The following HS3ST4 variants were observed in gnomAD, a reference collection of about 807,000 sequenced individuals.
HS3ST4 encodes the protein heparan sulfate glucosamine 3-O-sulfotransferase 4.
A neutral mutation model predicts 29.2 loss-of-function variants in HS3ST4; 17 were observed. The observed-to-expected ratio is 0.58, with a 90% CI of 0.40 to 0.87. The LOEUF (loss-of-function observed/expected upper bound fraction) is 0.87, where lower values mean the gene tolerates loss of function less well. Among genes scored for constraint, HS3ST4 ranks in the 40% least tolerant of loss-of-function variants. HS3ST4 has a pLI of 0.00. For synonymous variants in HS3ST4, 314 were observed against 285.7 expected, an observed-to-expected ratio of 1.10 and a Z score of -1.00; for missense variants, 627 against 634.5, an observed-to-expected ratio of 0.99 and a Z score of 0.13.
At chr16:26,016,431 T>C (rs868584982) in intron 1 of HS3ST4, among the ~76,000 whole-genome samples, 45 of 152,354 alleles carry the variant, frequency 3.0e-4, no homozygotes, top group African/African-American at 1.1e-3. Context: ...GTTACTTCTC[T>C]TTCTGTCTGA....
At chr16:25,870,136 T>C (rs66912262) in intron 1 of HS3ST4, among the ~76,000 whole-genome samples, 36,307 of 152,002 alleles carry the variant, frequency 0.24, 5,142 homozygotes, top group Non-Finnish European at 0.33. Context: ...CACCCATTCA[T>C]CTACTCATCC....
intron 1 of HS3ST4, among the ~76,000 whole-genome samples, chr16:25,929,618 G>T (rs539703625): frequency 6.6e-6 from 1 of 152,140 alleles, no homozygotes; most frequent in African/African-American, 2.4e-5. Flanking sequence ...AGGTGATTTG[G>T]GCTCTACTCT....
intron 1 of HS3ST4, among the ~76,000 whole-genome samples, chr16:26,129,270 G>A (rs896186257): frequency 6.6e-6 from 1 of 152,204 alleles, no homozygotes; most frequent in Admixed American, 6.5e-5. Flanking sequence ...CACATAATGT[G>A]TCTCCTTTTA....
At chr16:26,074,392 G>A (rs546082778) in intron 1 of HS3ST4, among the ~76,000 whole-genome samples, 2 of 152,292 alleles carry the variant, frequency 1.3e-5, no homozygotes, top group Admixed American at 1.3e-4. Flanking sequence ...GATGTTGAGA[G>A]GTAAGCATAC....
chr16:25,942,187 G>T (rs1968578605), intron 1 of HS3ST4, among the ~76,000 whole-genome samples: 1 of 152,162 alleles, frequency 6.6e-6, no homozygotes, highest in South Asian at 2.1e-4. Flanking sequence ...GCATGTTGTA[G>T]GTCCTGGTGC....
intron 1 of HS3ST4, among the ~76,000 whole-genome samples, chr16:25,999,495 T>C (rs1436275093): frequency 4.0e-5 from 6 of 148,634 alleles, no homozygotes; most frequent in Non-Finnish European, 9.0e-5. Flanking sequence ...GGGATTGTAC[T>C]GATCACTTCA....
intron 1 of HS3ST4, among the ~76,000 whole-genome samples, chr16:25,776,676 A>T (rs1007814636): frequency 2.0e-5 from 3 of 152,194 alleles, no homozygotes; most frequent in African/African-American, 2.4e-5. Context: ...AGAAAAAATG[A>T]TCAGATACCG....
chr16:25,758,655 G>A (rs1041451087), intron 1 of HS3ST4, among the ~76,000 whole-genome samples: 2 of 152,134 alleles, frequency 1.3e-5, no homozygotes, highest in Non-Finnish European at 2.9e-5. Context: ...CCATATGAAG[G>A]GAGATAGAAA....
At chr16:25,821,452 A>G (rs1967155307) in intron 1 of HS3ST4, among the ~76,000 whole-genome samples, 1 of 152,130 alleles carries the variant, frequency 6.6e-6, no homozygotes, top group South Asian at 2.1e-4. Context: ...ATATTGATTT[A>G]TAAGAATTCT....
intron 1 of HS3ST4, among the ~76,000 whole-genome samples, chr16:25,997,274 T>C (rs1438979584): frequency 2.0e-5 from 3 of 152,216 alleles, no homozygotes; most frequent in African/African-American, 7.2e-5. Flanking sequence ...CTGATTTCAA[T>C]GAAATGATGT....
At chr16:25,967,180 T>A (rs1237099620) in intron 1 of HS3ST4, among the ~76,000 whole-genome samples, 3 of 152,198 alleles carry the variant, frequency 2.0e-5, no homozygotes, top group Admixed American at 2.0e-4. Flanking sequence ...AGACGGAATC[T>A]CGCTCGCTCT....
chr16:25,862,686 C>A (rs199627819), intron 1 of HS3ST4, among the ~76,000 whole-genome samples: 1 of 119,082 alleles, frequency 8.4e-6, no homozygotes, highest in African/African-American at 3.5e-5. Flanking sequence ...CCGTTTAGTA[C>A]TTACAGACAT....
intron 1 of HS3ST4, among the ~76,000 whole-genome samples, chr16:25,806,962 C>G (rs1162077611): frequency 1.3e-5 from 2 of 151,968 alleles, no homozygotes; most frequent in African/African-American, 4.8e-5. Context: ...CACAGGGACC[C>G]CTTTTGTTGC....
chr16:26,044,639 A>G (rs1197249775), intron 1 of HS3ST4, among the ~76,000 whole-genome samples: 1 of 151,976 alleles, frequency 6.6e-6, no homozygotes, highest in Non-Finnish European at 1.5e-5. Flanking sequence ...AAAAAATAGG[A>G]GGGATCTAGA....
intron 1 of HS3ST4, among the ~76,000 whole-genome samples, chr16:25,864,948 A>G (rs1272218306): frequency 1.3e-5 from 1 of 78,474 alleles, no homozygotes; most frequent in African/African-American, 3.8e-5. Flanking sequence ...ACACACACAT[A>G]TATATATACA....
intron 1 of HS3ST4, among the ~76,000 whole-genome samples, chr16:25,726,155 C>A (rs1276417849): frequency 6.6e-6 from 1 of 152,158 alleles, no homozygotes; most frequent in Non-Finnish European, 1.5e-5. Context: ...TGCTTTGTTA[C>A]TGCATGAATT....
At chr16:25,758,833 G>A (rs1966772510) in intron 1 of HS3ST4, among the ~76,000 whole-genome samples, 1 of 152,076 alleles carries the variant, frequency 6.6e-6, no homozygotes, top group Admixed American at 6.5e-5. Context: ...GTGCACGCCT[G>A]TAATCCCAGC....
chr16:25,868,754 C>T (rs1456836614), intron 1 of HS3ST4, among the ~76,000 whole-genome samples: 1 of 152,154 alleles, frequency 6.6e-6, no homozygotes, highest in African/African-American at 2.4e-5. Flanking sequence ...CCCTCGTTAA[C>T]CTGTAGTCAT....
intron 1 of HS3ST4, among the ~76,000 whole-genome samples, chr16:26,000,944 T>C (rs1307353612): frequency 6.6e-6 from 1 of 152,072 alleles, no homozygotes; most frequent in Non-Finnish European, 1.5e-5. Flanking sequence ...TTCAAAAATG[T>C]CAAAGTCATA....
Sources: allele counts gnomAD v4.1 joint callset (sites outside exome capture counted in the v4.1 genomes callset), GRCh38; gene constraint gnomAD v4.1.1; transcripts MANE v1.5; gene names NCBI Gene and HGNC (gene_info 2026-07-23, HGNC 2026-07-21).